The following PDE3B variants were observed in gnomAD, a reference collection of about 807,000 sequenced individuals.
The protein encoded by PDE3B is cGMP-inhibited 3',5'-cyclic phosphodiesterase 3B.
A neutral mutation model predicts 116.8 loss-of-function variants in PDE3B; 66 were observed. The ratio of observed to expected loss-of-function variants is 0.56; its 90% CI spans 0.46 to 0.69. PDE3B has a LOEUF of 0.69. Ranked by LOEUF, PDE3B falls within the 30% of genes least tolerant of loss-of-function variation. The pLI is 0.00. For missense variants in PDE3B, 1,384 were observed against 1,368.1 expected (o/e 1.01, Z -0.18); for synonymous variants, 595 against 533.6 (o/e 1.12, Z -1.59).
At chr11:14,847,772 C>T (rs541431358) in intron 12 of PDE3B, among the ~76,000 whole-genome samples, 1 of 152,304 alleles carries the variant, frequency 6.6e-6, no homozygotes, top group South Asian at 2.1e-4. Context: ...CATACACCCT[C>T]CCAAGACTAA....
At chr11:14,764,453 A>G (rs182497590) in intron 1 of PDE3B, among the ~76,000 whole-genome samples, 145 of 152,260 alleles carry the variant, frequency 9.5e-4, no homozygotes, top group Non-Finnish European at 1.7e-3. Context: ...CAACTTCTCC[A>G]TATATAAAAT....
intron 1 of PDE3B, among the ~76,000 whole-genome samples, chr11:14,766,497 ATATTT>A (rs888464175): frequency 9.3e-4 from 141 of 151,722 alleles, no homozygotes; most frequent in African/African-American, 3.2e-3. Context: ...TTTGCTCTTT[ATATTT>A]TATATTTACT....
At chr11:14,813,019 G>T (rs1431402537) in intron 5 of PDE3B, among the ~76,000 whole-genome samples, 1 of 152,202 alleles carries the variant, frequency 6.6e-6, no homozygotes, top group African/African-American at 2.4e-5. Context: ...ATGGCCGTCA[G>T]TGAACCAGGA....
the PDE3B span, chr11:14,890,777 T>A: frequency 1.4e-6 from 1 of 729,172 alleles, no homozygotes; most frequent in African/African-American, 1.9e-5. Context: ...CTCGATCTCC[T>A]GATTTCGTGA....
At chr11:14,796,637 CAT>C (rs1175455109) in intron 4 of PDE3B, among the ~76,000 whole-genome samples, 4 of 152,186 alleles carry the variant, frequency 2.6e-5, no homozygotes, top group African/African-American at 9.7e-5. Flanking sequence ...GATCATTTTT[CAT>C]ATGTTTGTTG....
At chr11:14,692,604 G>C (rs1044659415) in intron 1 of PDE3B, among the ~76,000 whole-genome samples, 4 of 151,996 alleles carry the variant, frequency 2.6e-5, no homozygotes, top group Non-Finnish European at 5.9e-5. Context: ...TTTGTGATCA[G>C]CGATCTTTGA....
At chr11:14,836,789 C>T (rs756965820) in intron 11 of PDE3B, among the ~76,000 whole-genome samples, 4 of 152,178 alleles carry the variant, frequency 2.6e-5, no homozygotes, top group Non-Finnish European at 4.4e-5. Context: ...CACTCCTTGG[C>T]TCATGGCCCT....
intron 1 of PDE3B, among the ~76,000 whole-genome samples, chr11:14,765,627 T>G (rs1857477231): frequency 6.6e-6 from 1 of 151,636 alleles, no homozygotes; most frequent in Non-Finnish European, 1.5e-5. Flanking sequence ...AAATAATAAT[T>G]TCTGGTATTG....
At chr11:14,796,441 G>A (rs934485907) in intron 4 of PDE3B, among the ~76,000 whole-genome samples, 8 of 152,140 alleles carry the variant, frequency 5.3e-5, no homozygotes, top group Admixed American at 6.5e-5. Context: ...TTGAAGAATC[G>A]CCACACTGTC....
At chr11:14,813,446 G>A (rs572819224) in intron 5 of PDE3B, among the ~76,000 whole-genome samples, 25 of 152,220 alleles carry the variant, frequency 1.6e-4, no homozygotes, top group Non-Finnish European at 2.4e-4. Context: ...TCCTGACGCT[G>A]CCATCTCTCT....
intron 1 of PDE3B, among the ~76,000 whole-genome samples, chr11:14,695,787 G>A (rs187975481): frequency 5.9e-5 from 9 of 152,010 alleles, no homozygotes; most frequent in Middle Eastern, 3.4e-3. Flanking sequence ...CTCTTCCTGC[G>A]TTAGTTTGCT....
At chr11:14,785,175 A>T (rs1445751610) in intron 2 of PDE3B, among the ~76,000 whole-genome samples, 1 of 152,162 alleles carries the variant, frequency 6.6e-6, no homozygotes, top group African/African-American at 2.4e-5. Context: ...GAATGACCTT[A>T]TTTTAACATG....
chr11:14,841,848 A>G (rs545914682), intron 11 of PDE3B, among the ~76,000 whole-genome samples: 81 of 149,414 alleles, frequency 5.4e-4, no homozygotes, highest in Admixed American at 6.8e-4. Flanking sequence ...TTTGATTACT[A>G]TCGCTTTGTA....
At chr11:14,681,280 C>T (rs1016140825) in intron 1 of PDE3B, among the ~76,000 whole-genome samples, 1 of 152,122 alleles carries the variant, frequency 6.6e-6, no homozygotes, top group African/African-American at 2.4e-5. Context: ...CACTGTGATA[C>T]GGTTTGGCTG....
intron 1 of PDE3B, among the ~76,000 whole-genome samples, chr11:14,690,102 A>G (rs1855002708): frequency 6.6e-6 from 1 of 152,210 alleles, no homozygotes. Flanking sequence ...TTATGACACA[A>G]AGATGGAAGG....
chr11:14,694,490 C>G (rs1855144102), intron 1 of PDE3B, among the ~76,000 whole-genome samples: 1 of 152,132 alleles, frequency 6.6e-6, no homozygotes, highest in Non-Finnish European at 1.5e-5. Flanking sequence ...AGACCTCCCA[C>G]CAGCAAAAGA....
At chr11:14,715,739 C>T (rs930675382) in intron 1 of PDE3B, among the ~76,000 whole-genome samples, 16 of 152,156 alleles carry the variant, frequency 1.1e-4, no homozygotes, top group Non-Finnish European at 2.2e-4. Context: ...CCTAATTGAA[C>T]ACCCTTTATT....
chr11:14,768,504 A>C (rs1236544657), intron 1 of PDE3B, among the ~76,000 whole-genome samples: 3 of 151,578 alleles, frequency 2.0e-5, no homozygotes, highest in African/African-American at 7.2e-5. Context: ...CTTGTTCAAC[A>C]TTATGTTTCT....
intron 1 of PDE3B, among the ~76,000 whole-genome samples, chr11:14,677,483 T>G (rs1854564058): frequency 6.6e-6 from 1 of 152,224 alleles, no homozygotes; most frequent in Non-Finnish European, 1.5e-5. Flanking sequence ...TGTAAACATA[T>G]TCTCAATATT....
Sources: allele counts gnomAD v4.1 joint callset (sites outside exome capture counted in the v4.1 genomes callset), GRCh38; gene constraint gnomAD v4.1.1; transcripts MANE v1.5; gene names NCBI Gene and HGNC (gene_info 2026-07-23, HGNC 2026-07-21).